ZNF723: variants seen among roughly 807,000 people sequenced by gnomAD.
ZNF723 encodes zinc finger protein 723, also known as zinc finger protein 723, pseudogene.
Under a neutral mutation model 9.4 loss-of-function variants are expected in ZNF723, and 5 were observed. That is an observed-to-expected ratio of 0.53 (90% CI 0.28 to 1.12). ZNF723 has a LOEUF of 1.12. Among genes scored for constraint, ZNF723 ranks in the 50% most tolerant of loss-of-function variants. The pLI is 0.10. For synonymous variants in ZNF723, 158 were observed against 168.8 expected, an observed-to-expected ratio of 0.94 and a Z score of 0.49; for missense variants, 450 against 501.5, an observed-to-expected ratio of 0.90 and a Z score of 0.98.
At chr19:22,852,185 G>T (rs1411478097) in intron 3 of ZNF723, among the ~76,000 whole-genome samples, 7 of 152,026 alleles carry the variant, frequency 4.6e-5, no homozygotes, top group Admixed American at 4.6e-4. Flanking sequence ...CTTCTTTTAA[G>T]ATTTCTTTCA....
chr19:22,841,406 G>A (rs191630282), intron 1 of ZNF723, among the ~76,000 whole-genome samples: 3 of 152,312 alleles, frequency 2.0e-5, no homozygotes, highest in Admixed American at 6.5e-5. Flanking sequence ...CTCTTGAGCA[G>A]ATTGACTGTG....
rs572301760 is a variant in ZNF723, at chr19:22,858,389, A to G, written c.1498A>G (p.Lys500Glu). ...FNKSSILNRH[K>E]IIHTKEKSQT... Reference sequence around the variant, plus strand: ...CAAGTCCTCAATTCTTAACAGACATAAGATAATTCATACTAAAGAGAAATC... The same window carrying G: ...CAAGTCCTCAATTCTTAACAGACATGAGATAATTCATACTAAAGAGAAATC... Residue 500 changes from lysine to glutamate, a missense_variant, in exon 4 of 4, where the codon AAG (lysine) becomes GAG (glutamate). By Grantham distance (56) the Lys-to-Glu change is moderately conservative. Transcript: ENST00000600766. The G allele has an allele frequency of 1.9e-5, 15 of 795,240 alleles. No homozygotes were observed. Among genetic ancestry groups the G allele is most frequent in the East Asian group, 1.0e-4 (4 of 38,614 alleles). The allele number at this position is 795,240 out of a possible 1,614,324, so 49.3% of individuals were successfully genotyped here.
the ZNF723 span, among the ~76,000 whole-genome samples, chr19:22,817,759 AG>A: frequency 6.6e-6 from 1 of 152,336 alleles, no homozygotes; most frequent in East Asian, 1.9e-4. Context: ...TCTCACAGAA[AG>A]GCTTAAGGGA....
In ZNF723 at chr19:22,857,184, T is replaced by C. The variant is rs748560672; in HGVS notation, c.293T>C (p.Val98Ala). The C allele has an allele frequency of 3.0e-5, 29 of 969,396 alleles. No individual in the cohort carries two copies. Among genetic ancestry groups the C allele is most frequent in the Admixed American group, 4.3e-5 (2 of 46,364 alleles). The allele number at this position is 969,396 out of a possible 1,614,324, so 60.0% of individuals were successfully genotyped here. The change falls in exon 4 of 4, where the codon GTA becomes GCA. Residue 98 changes from valine to alanine, a missense_variant. By Grantham distance (64) the Val-to-Ala change is moderately conservative (BLOSUM62 0). Around this residue, in one of 5 missense-constraint regions of ZNF723, gnomAD observed 143 missense variants for 101.3 expected, o/e 1.41. Transcript: ENST00000600766. ...GGCATAAAAGATTCTTTCCAAAAAG[T>C]AATACTGAGAAGCTATGGAAAATAT... ...EQGIKDSFQKVILRSYGKYGH... is the reference protein window; with the variant it reads ...EQGIKDSFQKAILRSYGKYGH...
chr19:22,835,578 G>A (rs1568403030), intron 1 of ZNF723, among the ~76,000 whole-genome samples: 2 of 152,222 alleles, frequency 1.3e-5, no homozygotes, highest in Admixed American at 1.3e-4. Flanking sequence ...CTTCTCAGGT[G>A]TGTTTTTATG....
intron 1 of ZNF723, among the ~76,000 whole-genome samples, chr19:22,832,818 C>T (rs1268080979): frequency 6.6e-6 from 1 of 152,124 alleles, no homozygotes; most frequent in East Asian, 1.9e-4. Context: ...AAGAGTTGTT[C>T]AAAAATTATA....
At position 22,858,028 on chromosome 19, in the gene ZNF723, A is replaced by G. The variant is rs1967507331; in HGVS notation, c.1137A>G (p.Lys379=). The G allele has an allele frequency of 2.4e-5, 37 of 1,519,804 alleles. No homozygotes were observed. The highest frequency in any genetic ancestry group is 3.4e-5 in the Non-Finnish European group (37 of 1,102,654). 94.1% of individuals were successfully genotyped at this position (1,519,804 alleles called of 1,614,324 possible). Residue 379 remains lysine (K), a synonymous_variant, in exon 4 of 4, where the codon AAA becomes AAG. Transcript: ENST00000600766. ...GTGAAGAATGTGGCAAAGCTTTTAA[A>G]GTATCTGTACACCTTACTACACATA... The part of the protein sequence containing the change: ...YKCEECGKAF[K]VSVHLTTHKR...
intron 3 of ZNF723, among the ~76,000 whole-genome samples, chr19:22,851,575 A>C (rs1267662379): frequency 1.3e-5 from 2 of 152,120 alleles, no homozygotes; most frequent in African/African-American, 4.8e-5. Context: ...TGTATTGCTC[A>C]GACTAATCTT....
In ZNF723 at chr19:22,857,961, C is replaced by T; in HGVS notation, c.1070C>T (p.Thr357Ile). Residue 357 changes from threonine to isoleucine, a missense_variant, in exon 4 of 4, where the codon ACT (threonine) becomes ATT (isoleucine). This residue lies in a region of ZNF723 where 237 missense variants were observed against 332.2 expected (regional missense o/e 0.71). Coordinates refer to ENST00000600766, the MANE Select transcript of ZNF723 (RefSeq NM_001349726.2). The part of the protein sequence containing the change: ...GKAFSQSSHI[T>I]THKRIHTGEK... ...GCATTCAGCCAGTCCTCACACATTA[C>T]TACACATAAGAGAATTCACACTGGA... 1.3e-6 allele frequency: 2 copies of T among 1,509,002 alleles called. No individual in the cohort carries two copies. Among genetic ancestry groups the T allele is most frequent in the Non-Finnish European group, 1.8e-6 (2 of 1,094,816 alleles). The allele number at this position is 1,509,002 out of a possible 1,614,324, so 93.5% of individuals were successfully genotyped here. A position where few individuals can be genotyped will look rare whatever the true frequency, so the allele number is the denominator to read the frequency against.
At chr19:22,850,230 G>A (rs1003494915) in intron 3 of ZNF723, among the ~76,000 whole-genome samples, 2 of 151,972 alleles carry the variant, frequency 1.3e-5, no homozygotes, top group Non-Finnish European at 1.5e-5. Flanking sequence ...TTTTGAGATG[G>A]AGTTTTGCTC....
At chr19:22,839,532 T>TTGCACTCCAC (rs1409137374) in intron 1 of ZNF723, among the ~76,000 whole-genome samples, 7 of 150,486 alleles carry the variant, frequency 4.7e-5, no homozygotes, top group African/African-American at 1.7e-4. Context: ...AGTGGCATGA[T>TTGCACTCCAC]CTCAGCTGAT....
chr19:22,834,505 T>G (rs565403149), intron 1 of ZNF723, among the ~76,000 whole-genome samples: 35 of 152,218 alleles, frequency 2.3e-4, no homozygotes, highest in Admixed American at 1.6e-3. Context: ...TTCTGGATTT[T>G]AGTACTCTCT....
At chr19:22,841,222 C>T (rs965582735) in intron 1 of ZNF723, among the ~76,000 whole-genome samples, 1 of 152,228 alleles carries the variant, frequency 6.6e-6, no homozygotes, top group African/African-American at 2.4e-5. Context: ...GCAGAATTAA[C>T]CTCCTGTTAT....
upstream of ZNF723, among the ~76,000 whole-genome samples, chr19:22,827,442 T>TTTTG (rs34989962): frequency 0.074 from 9,631 of 130,318 alleles, 1,017 homozygotes; most frequent in African/African-American, 0.24. Context: ...TTTTTTGTTT[T>TTTTG]TTTGTTTGTT....
upstream of ZNF723, among the ~76,000 whole-genome samples, chr19:22,827,399 C>T (rs567277104): frequency 2.6e-5 from 4 of 151,510 alleles, no homozygotes; most frequent in Admixed American, 6.6e-5. Flanking sequence ...TCATGGGGAC[C>T]TTGGCTAAGA....
intron 1 of ZNF723, among the ~76,000 whole-genome samples, chr19:22,839,036 C>G (rs986956188): frequency 2.0e-5 from 3 of 152,100 alleles, no homozygotes; most frequent in Non-Finnish European, 4.4e-5. Flanking sequence ...CATGAGCCAC[C>G]ACGCCCGGCC....
At chr19:22,836,777 T>C (rs1967173453) in intron 1 of ZNF723, among the ~76,000 whole-genome samples, 2 of 152,218 alleles carry the variant, frequency 1.3e-5, no homozygotes, top group African/African-American at 4.8e-5. Context: ...CTGGCTGTGA[T>C]AGGTAAGCAC....
the ZNF723 span, among the ~76,000 whole-genome samples, chr19:22,822,637 C>T: frequency 1.3e-4 from 20 of 151,354 alleles, no homozygotes; most frequent in Admixed American, 4.0e-4. Context: ...CCGAGGCAGG[C>T]GGATCACGAG....
intron 1 of ZNF723, chr19:22,840,645 T>C (rs1397363005): frequency 2.0e-5 from 3 of 152,222 alleles, no homozygotes; most frequent in Non-Finnish European, 4.4e-5. Flanking sequence ...TCTCTTGATA[T>C]AATCTTGCTC....
Sources: allele counts gnomAD v4.1 joint callset (sites outside exome capture counted in the v4.1 genomes callset), GRCh38; gene constraint gnomAD v4.1.1; regional missense constraint gnomAD v4.1.1; transcripts MANE v1.5; gene names NCBI Gene and HGNC (gene_info 2026-07-23, HGNC 2026-07-21).